Variants in SHISA5 observed in about 807,000 individuals in gnomAD.
The protein encoded by SHISA5 is shisa family member 5.
A neutral mutation model predicts 27.5 loss-of-function variants in SHISA5; 21 were observed. The observed-to-expected ratio is 0.76, with a 90% confidence interval of 0.54 to 1.10. The LOEUF is 1.10. Among genes scored for constraint, SHISA5 ranks in the 50% least tolerant of loss-of-function variants. SHISA5 has a pLI of 0.00. For missense variants in SHISA5, 314 were observed against 336.3 expected (o/e 0.93, Z 0.52); for synonymous variants, 137 against 142.2 (o/e 0.96, Z 0.26).
upstream of SHISA5, chr3:48,504,278 G>A: frequency 2.7e-6 from 1 of 371,942 alleles, no homozygotes. The surrounding 1 kb of genome is among the most constrained non-coding windows in gnomAD (Gnocchi z 4.0). Context: ...GAGGAGGGAG[G>A]AAGGTGGAAG....
intron 3 of SHISA5, among the ~76,000 whole-genome samples, chr3:48,478,107 A>G (rs939984728): frequency 6.6e-6 from 1 of 152,212 alleles, no homozygotes; most frequent in Non-Finnish European, 1.5e-5. Context: ...GGGCATAGGC[A>G]TCTCCCACGG....
chr3:48,482,089 ACT>A (rs1359460561), intron 2 of SHISA5, among the ~76,000 whole-genome samples: 8 of 143,652 alleles, frequency 5.6e-5, no homozygotes, highest in Admixed American at 4.2e-4. Flanking sequence ...AAAAAAAAAG[ACT>A]CTGTCTCAAA....
intron 2 of SHISA5, among the ~76,000 whole-genome samples, chr3:48,483,151 A>G (rs907303250): frequency 2.6e-5 from 4 of 151,368 alleles, no homozygotes; most frequent in African/African-American, 4.9e-5. Flanking sequence ...GATTTGGCAG[A>G]GTCATAGGAC....
At chr3:48,485,503 A>G (rs1408453330) in intron 2 of SHISA5, among the ~76,000 whole-genome samples, 1 of 141,278 alleles carries the variant, frequency 7.1e-6, no homozygotes, top group Admixed American at 7.1e-5. Flanking sequence ...CTCCATCTCA[A>G]AAAATATATA....
At position 48,503,386 on chromosome 3, in the gene SHISA5, A is replaced by G. The variant is rs151185613; in HGVS notation, c.76+633T>C. ...GGATTCATCCCAGCCCCCAGGAAAT[A>G]CAGCCTTCCCCTCCACGAAGCCACC... On this transcript the variant is annotated intron_variant, in intron 1 of 5. Transcript: ENST00000296444. 7.9e-3 allele frequency among the ~76,000 whole-genome samples: 1,209 copies of G among 152,324 alleles called. 18 individuals are homozygous for G. The highest frequency in any genetic ancestry group is 0.028 in the African/African-American group (1,158 of 41,570).
chr3:48,468,050 G>T lies in SHISA5; in HGVS notation c.*1057C>A. The stretch of plus-strand genomic sequence containing the variant: ...CCCACACCCCACCTTTGGTCCAGAT[G>T]GCCCATTGGCCCAGGTGTCCCTGCT... On this transcript the variant is annotated 3_prime_UTR_variant, in exon 6 of 6. Transcript: ENST00000296444. The T allele has an allele frequency of 1.5e-6, 1 of 688,252 alleles. No homozygotes were observed. Among genetic ancestry groups the T allele is most frequent in the South Asian group, 5.3e-5 (1 of 18,758 alleles). The allele number at this position is 688,252 out of a possible 1,614,324, so 42.6% of individuals were successfully genotyped here. A position where few individuals can be genotyped will look rare whatever the true frequency, so the allele number is the denominator to read the frequency against.
At chr3:48,485,270 C>T (rs1026003510) in intron 2 of SHISA5, among the ~76,000 whole-genome samples, 13 of 151,886 alleles carry the variant, frequency 8.6e-5, no homozygotes, top group African/African-American at 2.4e-4. Flanking sequence ...CCAAGGCGGG[C>T]GGATCACCTG....
chr3:48,486,172 A>G (rs537507127), intron 2 of SHISA5, among the ~76,000 whole-genome samples: 19 of 138,676 alleles, frequency 1.4e-4, no homozygotes, highest in African/African-American at 5.3e-4. Context: ...CAGAAACACT[A>G]GGAGACCAGA....
chr3:48,468,821 C>T lies in SHISA5; in HGVS notation c.*286G>A. 6.8e-7 allele frequency: 1 copy of T among 1,473,104 alleles called. No homozygotes were observed. The highest frequency in any genetic ancestry group is 1.4e-5 in the African/African-American group (1 of 71,840). 91.3% of individuals were successfully genotyped at this position (1,473,104 alleles called of 1,614,324 possible). A position where few individuals can be genotyped will look rare whatever the true frequency, so the allele number is the denominator to read the frequency against. ...TCAGGGGCCACCTCACAGGGTGCCC[C>T]CCACCACCCCATTCTTTGAGTTTGG... On this transcript the variant is annotated 3_prime_UTR_variant, in exon 6 of 6. Transcript: ENST00000296444.
chr3:48,503,911 A>C, intron 1 of SHISA5, 108 bp downstream of exon 1: 1 of 1,332,414 alleles, frequency 7.5e-7, no homozygotes, highest in Non-Finnish European at 9.6e-7. Context: ...ATCAGGGGTC[A>C]GTGGGGGGCA....
chr3:48,471,027 C>G (rs766054559), intron 3 of SHISA5, among the ~76,000 whole-genome samples: 39 of 151,740 alleles, frequency 2.6e-4, no homozygotes, highest in Middle Eastern at 3.2e-3. Flanking sequence ...CATTCTTTTT[C>G]TTTTTTAATT....
Position 48,468,353 on chromosome 3 carries a change from C to T in SHISA5, c.*754G>A. On this transcript the variant is annotated 3_prime_UTR_variant, in exon 6 of 6. Transcript: ENST00000296444. ...GGAAGGGCAGGGCCAGCAAGGGCAG[C>T]AGAGCTCCCTGGGGGCAGCTAGGCT... is the stretch of plus-strand genomic sequence containing the variant. 2.8e-6 allele frequency: 3 copies of T among 1,057,720 alleles called. No homozygotes were observed. The highest frequency in any genetic ancestry group is 3.4e-6 in the Non-Finnish European group (3 of 872,856). The allele number at this position is 1,057,720 out of a possible 1,614,324, so 65.5% of individuals were successfully genotyped here.
At position 48,473,210 on chromosome 3, in the gene SHISA5, G is replaced by A. The variant is rs2040706347; in HGVS notation, c.315-3367C>T. On this transcript the variant is annotated intron_variant, in intron 3 of 5. Transcript: ENST00000296444. This position sits in a 1 kb window ranked among gnomAD's most constrained non-coding sequence, Gnocchi z 4.3. ...TAAAGACACAGGATGGCCCCGCCCA[G>A]CAGCCGGCTAGCAGCCAAGGAGCCA... 2 of 1,427,446 alleles carry A rather than the reference G, an allele frequency of 1.4e-6. No homozygotes were observed. The highest frequency in any genetic ancestry group is 2.9e-5 in the African/African-American group (2 of 69,428). 88.4% of individuals were successfully genotyped at this position (1,427,446 alleles called of 1,614,324 possible). A position where few individuals can be genotyped will look rare whatever the true frequency, so the allele number is the denominator to read the frequency against.
chr3:48,487,265 T>A (rs1368579074), intron 2 of SHISA5, among the ~76,000 whole-genome samples: 2 of 152,322 alleles, frequency 1.3e-5, no homozygotes, highest in East Asian at 3.9e-4. Flanking sequence ...TTCCAATTCA[T>A]GAGCCCTGTC....
chr3:48,471,056 C>T (rs1026342964), intron 3 of SHISA5, among the ~76,000 whole-genome samples: 3 of 152,008 alleles, frequency 2.0e-5, no homozygotes, highest in Non-Finnish European at 4.4e-5. Flanking sequence ...GAGACAGGGT[C>T]TCACTCTGTT....
rs1169962953 is a variant in SHISA5 at position 48,469,131 on chromosome 3, C to A, written c.699G>T (p.Met233Ile). The change falls in exon 6 of 6, where the codon ATG becomes ATT. Residue 233 changes from methionine to isoleucine, a missense_variant. Physicochemically the swap from Met to Ile is conservative, Grantham distance 10 (BLOSUM62 1). Coordinates refer to ENST00000296444, the MANE Select transcript of SHISA5 (RefSeq NM_016479.6). The surrounding 1 kb of genome is among the most constrained non-coding windows in gnomAD (Gnocchi z 4.6). ...ASQPPYNPAY[M>I]DAPKAAL is the part of the protein sequence containing the mutation. ...CTCAGAGGGCCGCCTTCGGGGCATC[C>A]ATGTAGGCCGGGTTGTAAGGAGGCT... 1 of 1,612,980 alleles carries A rather than the reference C, an allele frequency of 6.2e-7. No individual in the cohort carries two copies. Among genetic ancestry groups the A allele is most frequent in the African/African-American group, 1.3e-5 (1 of 74,910 alleles).
intron 1 of SHISA5, 131 bp from the exon 2 acceptor site, chr3:48,501,424 C>T: frequency 9.7e-7 from 1 of 1,032,130 alleles, no homozygotes; most frequent in African/African-American, 1.6e-5. Context: ...CCACCCTAGC[C>T]ACAGGCCACC....
chr3:48,504,776 T>A (rs2041849711), upstream of SHISA5: 1 of 152,306 alleles, frequency 6.6e-6, no homozygotes, highest in Non-Finnish European at 1.5e-5. The surrounding 1 kb of genome is among the most constrained non-coding windows in gnomAD (Gnocchi z 4.0). Flanking sequence ...GGCTCAGCGC[T>A]GGCGCAGTGG....
At chr3:48,495,793 T>C (rs2041533036) in intron 2 of SHISA5, among the ~76,000 whole-genome samples, 1 of 146,450 alleles carries the variant, frequency 6.8e-6, no homozygotes, top group Non-Finnish European at 1.5e-5. Flanking sequence ...AGTGTTGGGA[T>C]TACAGGCGTG....
Sources: gnomAD v4.1 joint callset for allele counts (sites outside exome capture counted in the v4.1 genomes callset) on GRCh38, gnomAD v4.1.1 for gene constraint, Gnocchi (gnomAD v3.1) non-coding constraint, MANE v1.5 for transcripts, NCBI Gene and HGNC (gene_info 2026-07-23, HGNC 2026-07-21) for gene names.